AGBL1: variants seen among roughly 807,000 people sequenced by gnomAD.
The protein encoded by AGBL1 is AGBL carboxypeptidase 1.
In AGBL1, 130 loss-of-function variants were observed where a neutral mutation model predicts 118.9. The ratio of observed to expected loss-of-function variants is 1.09; its 90% CI spans 0.95 to 1.26. The LOEUF (loss-of-function observed/expected upper bound fraction) is 1.26, where lower values mean the gene tolerates loss of function less well. Among genes scored for constraint, AGBL1 ranks in the 50% most tolerant of loss-of-function variants. The pLI, the probability that AGBL1 is intolerant of heterozygous loss-of-function variation, is 0.00. For missense variants in AGBL1, 1,584 were observed against 1,298.1 expected (o/e 1.22, Z -3.38); for synonymous variants, 555 against 478.9 (o/e 1.16, Z -2.08).
At chr15:86,287,953 C>T (rs549064347) in intron 16 of AGBL1, among the ~76,000 whole-genome samples, 2 of 150,562 alleles carry the variant, frequency 1.3e-5, no homozygotes, top group Non-Finnish European at 3.0e-5. Context: ...AAGAATCCTG[C>T]ATCCACAGAA....
At chr15:86,783,500 T>A (rs1262507749) in intron 22 of AGBL1, among the ~76,000 whole-genome samples, 1 of 152,238 alleles carries the variant, frequency 6.6e-6, no homozygotes, top group Non-Finnish European at 1.5e-5. Context: ...TCCAAGAATG[T>A]CTTCCCATCA....
chr15:86,277,508 C>T (rs903971), intron 15 of AGBL1, among the ~76,000 whole-genome samples: 109,501 of 152,036 alleles, frequency 0.72, 40,132 homozygotes, highest in African/African-American at 0.84. Context: ...CCAGGTTTTG[C>T]CTGAATGAGG....
At position 86,277,207 on chromosome 15, in the gene AGBL1, T is replaced by C. The variant is rs533470377; in HGVS notation, c.2076-2432T>C. Among the ~76,000 whole-genome samples, 5 of 151,850 alleles carry C rather than the reference T, an allele frequency of 3.3e-5. No homozygotes were observed. The South Asian group carries it at 8.4e-4, about 25-fold the overall frequency. On this transcript the variant is annotated intron_variant, in intron 15 of 22. Coordinates refer to ENST00000614907, the MANE Select transcript of AGBL1 (RefSeq NM_001386094.1). The stretch of plus-strand genomic sequence containing the variant: ...AACCATCCTGGAGAAGGCTGACTTG[T>C]TGGTGGGGAGCCTTTAGTCTTGCTC...
chr15:86,290,542 G>T (rs1342966493), intron 16 of AGBL1, among the ~76,000 whole-genome samples: 6 of 151,308 alleles, frequency 4.0e-5, no homozygotes, highest in Non-Finnish European at 8.8e-5. Context: ...AGTAGAGATG[G>T]GGTCTTGCCA....
At chr15:86,255,464 A>C (rs1056589780) in intron 7 of AGBL1, among the ~76,000 whole-genome samples, 1 of 152,184 alleles carries the variant, frequency 6.6e-6, no homozygotes, top group Admixed American at 6.5e-5. Context: ...TCTTGATTGC[A>C]TTAAGACATT....
At chr15:86,270,117 A>G in intron 14 of AGBL1, 50 bp downstream of exon 14, 2 of 1,564,030 alleles carry the variant, frequency 1.3e-6, no homozygotes, top group Non-Finnish European at 1.7e-6. Context: ...CAGGAATGAC[A>G]TTTCTTGACT....
chr15:86,698,836 A>G (rs1485173219), intron 22 of AGBL1, among the ~76,000 whole-genome samples: 2 of 152,076 alleles, frequency 1.3e-5, no homozygotes, highest in East Asian at 3.9e-4. Flanking sequence ...TTTTGAAGGT[A>G]TATTGTGAAG....
intron 22 of AGBL1, among the ~76,000 whole-genome samples, chr15:86,852,963 G>T (rs904570309): frequency 1.3e-5 from 2 of 152,128 alleles, no homozygotes; most frequent in Non-Finnish European, 2.9e-5. Context: ...AAGCTTCCCA[G>T]GTGAATCATT....
rs1218247459 is a variant in AGBL1 at position 86,827,489 on chromosome 15, G to GTATA, written c.3159-79569_3159-79566dup. ...TATATACATATATATATATATGTGT[G>GTATA]TATATATATATATATATATATATAT... On this transcript the variant is annotated intron_variant, in intron 22 of 22. Transcript: ENST00000614907. Among the ~76,000 whole-genome samples, 26 of 3,308 alleles carry GTATA rather than the reference G, an allele frequency of 7.9e-3. 6 individuals carry two copies. The highest frequency in any genetic ancestry group is 0.012 in the African/African-American group (11 of 952). The allele number at this position is 3,308 out of a possible 152,430, so 2.2% of individuals were successfully genotyped here. A position where few individuals can be genotyped will look rare whatever the true frequency, so the allele number is the denominator to read the frequency against.
chr15:86,804,961 T>C (rs1256801491), intron 22 of AGBL1, among the ~76,000 whole-genome samples: 1 of 152,030 alleles, frequency 6.6e-6, no homozygotes, highest in South Asian at 2.1e-4. Context: ...ATAAGGGAGA[T>C]GCTGTTTAGA....
chr15:86,385,393 G>T (rs763665782), intron 17 of AGBL1, among the ~76,000 whole-genome samples: 1 of 152,152 alleles, frequency 6.6e-6, no homozygotes, highest in Non-Finnish European at 1.5e-5. Flanking sequence ...GGCACCATCT[G>T]GGGGCTTGGT....
chr15:86,890,060 T>C (rs939366290), intron 22 of AGBL1, among the ~76,000 whole-genome samples: 1 of 152,188 alleles, frequency 6.6e-6, no homozygotes, highest in Non-Finnish European at 1.5e-5. Context: ...CAGCATCTGT[T>C]GTTACTGGAC....
chr15:86,699,326 C>T (rs918416035), intron 22 of AGBL1, among the ~76,000 whole-genome samples: 1 of 151,836 alleles, frequency 6.6e-6, no homozygotes, highest in African/African-American at 2.4e-5. Context: ...ATATATATTC[C>T]TGCCTACCAG....
At chr15:86,790,299 C>G (rs1270577422) in intron 22 of AGBL1, among the ~76,000 whole-genome samples, 1 of 151,898 alleles carries the variant, frequency 6.6e-6, no homozygotes, top group Non-Finnish European at 1.5e-5. Context: ...ATTAACTTCA[C>G]CAGCTGAATA....
At chr15:86,542,625 C>A (rs768687515) in intron 19 of AGBL1, among the ~76,000 whole-genome samples, 18 of 152,054 alleles carry the variant, frequency 1.2e-4, no homozygotes, top group Non-Finnish European at 2.2e-4. Flanking sequence ...GGCTCGGCCT[C>A]CCAAAGTGCT....
chr15:86,966,319 C>T (rs1386858497), intron 23 of AGBL1, among the ~76,000 whole-genome samples: 1 of 148,598 alleles, frequency 6.7e-6, no homozygotes, highest in Non-Finnish European at 1.5e-5. Context: ...TTCTTTGGCC[C>T]ATATCTTTTT....
intron 22 of AGBL1, among the ~76,000 whole-genome samples, chr15:86,778,199 G>T (rs564695731): frequency 1.3e-5 from 2 of 152,110 alleles, no homozygotes; most frequent in African/African-American, 4.8e-5. Flanking sequence ...CAGAGATCAC[G>T]AGCTTCACAA....
chr15:86,791,214 G>A (rs1305361952), intron 22 of AGBL1, among the ~76,000 whole-genome samples: 1 of 152,130 alleles, frequency 6.6e-6, no homozygotes, highest in Non-Finnish European at 1.5e-5. Context: ...AGCTACTTAG[G>A]TCTGAAGATA....
rs555857324 is a variant in AGBL1, at chr15:86,353,969, C to T, written c.2375-43397C>T. ...TTTCTTTCATGCATGGCTCAAGACACAGTGTGCTGATATATTACAGAACAA... is the reference window on the plus strand; with the variant it reads ...TTTCTTTCATGCATGGCTCAAGACATAGTGTGCTGATATATTACAGAACAA... On this transcript the variant is annotated intron_variant, in intron 17 of 22. Coordinates refer to ENST00000614907, the MANE Select transcript of AGBL1 (RefSeq NM_001386094.1). Among the ~76,000 whole-genome samples, 8 of 152,320 alleles carry T rather than the reference C, an allele frequency of 5.3e-5. No homozygotes were observed. In the Middle Eastern group the frequency reaches 0.01, roughly 194 times the overall value.
Sources: allele counts gnomAD v4.1 joint callset (sites outside exome capture counted in the v4.1 genomes callset), GRCh38; gene constraint gnomAD v4.1.1; transcripts MANE v1.5; gene names NCBI Gene and HGNC (gene_info 2026-07-23, HGNC 2026-07-21).